Variants in ADAMTS19 observed in about 807,000 individuals in gnomAD.
ADAMTS19 encodes the protein A disintegrin and metalloproteinase with thrombospondin motifs 19.
A neutral mutation model predicts 153.3 loss-of-function variants in ADAMTS19; 93 were observed. The observed-to-expected ratio is 0.61, with a 90% CI of 0.51 to 0.72. The LOEUF is 0.72. ADAMTS19 is among the 30% of genes least tolerant of loss of function. The pLI is 0.00. For synonymous variants in ADAMTS19, 600 were observed against 556.6 expected, an observed-to-expected ratio of 1.08 and a Z score of -1.10; for missense variants, 1,482 against 1,552.1, an observed-to-expected ratio of 0.95 and a Z score of 0.76.
chr5:129,611,206 A>G (rs1477447417), intron 8 of ADAMTS19, among the ~76,000 whole-genome samples: 3 of 151,866 alleles, frequency 2.0e-5, no homozygotes, highest in African/African-American at 7.3e-5. Context: ...TCAGATGAGT[A>G]GATTGCAAAA....
chr5:129,610,978 C>T (rs1326784050), intron 8 of ADAMTS19, among the ~76,000 whole-genome samples: 1 of 152,126 alleles, frequency 6.6e-6, no homozygotes, highest in African/African-American at 2.4e-5. Flanking sequence ...TAATGATCGC[C>T]ATTCTAACTG....
intron 6 of ADAMTS19, among the ~76,000 whole-genome samples, chr5:129,542,642 A>T (rs1157952725): frequency 6.6e-6 from 1 of 152,026 alleles, no homozygotes; most frequent in African/African-American, 2.4e-5. Flanking sequence ...AGCTATAGTG[A>T]TTGTGTTTTA....
At chr5:129,510,996 TTTTG>T (rs1751423685) in intron 3 of ADAMTS19, among the ~76,000 whole-genome samples, 1 of 151,648 alleles carries the variant, frequency 6.6e-6, no homozygotes. Flanking sequence ...TTCAGATGCT[TTTTG>T]AGGGCTCAGA....
chr5:129,503,568 A>G (rs1035674074), intron 2 of ADAMTS19, among the ~76,000 whole-genome samples: 2 of 152,174 alleles, frequency 1.3e-5, no homozygotes, highest in African/African-American at 2.4e-5. Flanking sequence ...GCTGGGTGCC[A>G]TGGCTCACGC....
rs1211480140 is a variant in ADAMTS19 at position 129,578,137 on chromosome 5, CCT to C, written c.1373-18421_1373-18420del. ...GTATATGTACGTATACGTACATATA[CCT>C]ATATGCATGTATATGTACGTATACG... On this transcript the variant is annotated intron_variant, in intron 7 of 22. Coordinates refer to ENST00000274487, the MANE Select transcript of ADAMTS19 (RefSeq NM_133638.6). Among the ~76,000 whole-genome samples, 132 of 112,418 alleles carry C rather than the reference CCT, an allele frequency of 1.2e-3. 1 individual carries two copies. The highest frequency in any genetic ancestry group is 4.5e-3 in the African/African-American group (130 of 28,980). The allele number at this position is 112,418 out of a possible 152,430, so 73.8% of individuals were successfully genotyped here. A position where few individuals can be genotyped will look rare whatever the true frequency, so the allele number is the denominator to read the frequency against.
intron 6 of ADAMTS19, among the ~76,000 whole-genome samples, chr5:129,530,283 G>A (rs958016216): frequency 1.3e-5 from 2 of 152,144 alleles, no homozygotes; most frequent in African/African-American, 4.8e-5. Flanking sequence ...GCAGATTAAT[G>A]TTGTTGTAAT....
At chr5:129,527,864 A>C in intron 5 of ADAMTS19, 33 bp downstream of exon 5, 1 of 1,342,212 alleles carries the variant, frequency 7.5e-7, no homozygotes, top group Admixed American at 1.8e-5. Flanking sequence ...ATTAAATTAA[A>C]TGGGGGAGAA....
At chr5:129,506,623 C>T (rs1026408586) in intron 2 of ADAMTS19, among the ~76,000 whole-genome samples, 1 of 151,796 alleles carries the variant, frequency 6.6e-6, no homozygotes, top group African/African-American at 2.4e-5. Context: ...CAAATCCTAA[C>T]AAAACAACAA....
intron 8 of ADAMTS19, among the ~76,000 whole-genome samples, chr5:129,610,446 C>T (rs576822226): frequency 1.3e-5 from 2 of 152,230 alleles, no homozygotes; most frequent in South Asian, 2.1e-4. Flanking sequence ...CCCCTCTACC[C>T]ACCCCACAAT....
intron 8 of ADAMTS19, among the ~76,000 whole-genome samples, chr5:129,606,772 T>G (rs573236124): frequency 4.5e-4 from 69 of 152,344 alleles, no homozygotes; most frequent in African/African-American, 1.7e-3. Context: ...TTATTCATTT[T>G]TTTATTATCC....
intron 15 of ADAMTS19, among the ~76,000 whole-genome samples, chr5:129,660,718 C>T (rs1029500326): frequency 3.3e-5 from 5 of 152,150 alleles, no homozygotes; most frequent in Admixed American, 6.5e-5. Context: ...ATGTTAAAAG[C>T]ATGTTTATTT....
intron 4 of ADAMTS19, 55 bp downstream of exon 4, chr5:129,526,511 C>A: frequency 6.8e-7 from 1 of 1,463,514 alleles, no homozygotes; most frequent in Non-Finnish European, 9.2e-7. Flanking sequence ...CTAAGGAAGA[C>A]ATGTGTGAGT....
chr5:129,484,911 C>T (rs1040869686), intron 2 of ADAMTS19, among the ~76,000 whole-genome samples: 1 of 152,094 alleles, frequency 6.6e-6, no homozygotes, highest in African/African-American at 2.4e-5. Context: ...TACTTTCAGT[C>T]TCTATTATTT....
intron 3 of ADAMTS19, among the ~76,000 whole-genome samples, chr5:129,519,902 A>G (rs1751738324): frequency 6.6e-6 from 1 of 152,052 alleles, no homozygotes; most frequent in Non-Finnish European, 1.5e-5. Context: ...CTTCAGAGTA[A>G]AATTCATACT....
chr5:129,490,075 T>G (rs1181416459), intron 2 of ADAMTS19, among the ~76,000 whole-genome samples: 1 of 152,206 alleles, frequency 6.6e-6, no homozygotes, highest in South Asian at 2.1e-4. Context: ...ATTTGTACAT[T>G]AATTTTTCAG....
chr5:129,737,008 G>T, intron 22 of ADAMTS19, 59 bp from the exon 23 acceptor site: 1 of 1,415,936 alleles, frequency 7.1e-7, no homozygotes, highest in Admixed American at 2.4e-5. Flanking sequence ...CTTGAAGTTG[G>T]TTTTTACTGA....
intron 6 of ADAMTS19, among the ~76,000 whole-genome samples, chr5:129,530,443 A>G (rs1264328535): frequency 1.3e-5 from 2 of 152,188 alleles, no homozygotes; most frequent in African/African-American, 2.4e-5. Context: ...AAACATAAAA[A>G]TTTCCATCAG....
At chr5:129,620,204 G>A (rs1423804375) in intron 8 of ADAMTS19, among the ~76,000 whole-genome samples, 1 of 151,732 alleles carries the variant, frequency 6.6e-6, no homozygotes, top group Non-Finnish European at 1.5e-5. Context: ...TTTCAAATTT[G>A]GTAAAAGATG....
At chr5:129,565,592 C>T (rs184722443) in intron 7 of ADAMTS19, among the ~76,000 whole-genome samples, 108 of 152,226 alleles carry the variant, frequency 7.1e-4, no homozygotes, top group Admixed American at 1.8e-3. Context: ...AGAGTGGTGC[C>T]TAAAATGATC....
Sources: allele counts gnomAD v4.1 joint callset (sites outside exome capture counted in the v4.1 genomes callset), GRCh38; gene constraint gnomAD v4.1.1; transcripts MANE v1.5; gene names NCBI Gene and HGNC (gene_info 2026-07-23, HGNC 2026-07-21).